The following AP2A2 variants were observed in gnomAD, a reference collection of about 807,000 sequenced individuals.
AP2A2 encodes AP-2 complex subunit alpha-2.
A neutral mutation model predicts 104.2 loss-of-function variants in AP2A2; 32 were observed. The observed-to-expected ratio is 0.31, with a 90% confidence interval of 0.23 to 0.41. The LOEUF is 0.41. Ranked by LOEUF, AP2A2 falls within the 10% of genes least tolerant of loss-of-function variation. AP2A2 has a pLI of 1.00. For synonymous variants in AP2A2, 539 were observed against 533.3 expected (o/e 1.01, Z -0.15); for missense variants, 912 against 1,261.0 (o/e 0.72, Z 4.19).
chr11:992,277 A>G lies in AP2A2; in HGVS notation c.1270-226A>G, dbSNP rs1159674282. Reference sequence around the variant, plus strand: ...TGGCTGTGGCCGTGGCCTTCTGTGCACTGGTCTCCGCCTCTTCCTGGCTTT... The same window carrying G: ...TGGCTGTGGCCGTGGCCTTCTGTGCGCTGGTCTCCGCCTCTTCCTGGCTTT... On this transcript the variant is annotated intron_variant, in intron 10 of 21. Coordinates refer to ENST00000448903, the MANE Select transcript of AP2A2 (RefSeq NM_012305.4). This position sits in a 1 kb window ranked among gnomAD's most constrained non-coding sequence, Gnocchi z 6.4. Among the ~76,000 whole-genome samples, 3 of 152,258 alleles carry G rather than the reference A, an allele frequency of 2.0e-5. 1 individual carries two copies. The highest frequency in any genetic ancestry group is 6.8e-3 in the Middle Eastern group (2 of 294).
chr11:995,998 C>T (rs1239144798), intron 14 of AP2A2: 1 of 152,070 alleles, frequency 6.6e-6, no homozygotes, highest in East Asian at 2.0e-4. Flanking sequence ...CTGCTTTTGA[C>T]CCTGTCTCCT....
chr11:978,581 G>C (rs567953194), intron 5 of AP2A2, among the ~76,000 whole-genome samples: 7 of 152,344 alleles, frequency 4.6e-5, no homozygotes, highest in Non-Finnish European at 1.0e-4. Flanking sequence ...GCCAACCCCA[G>C]GGTGGGCTCC....
intron 16 of AP2A2, 42 bp from the exon 17 acceptor site, chr11:1,006,486 G>A (rs747548066): frequency 1.4e-6 from 2 of 1,384,812 alleles, no homozygotes; most frequent in Non-Finnish European, 2.0e-6. Flanking sequence ...CAGGGTAAGT[G>A]TGAAATGGTG....
chr11:988,446 G>A, intron 9 of AP2A2, 106 bp from the exon 10 acceptor site: 2 of 1,413,376 alleles, frequency 1.4e-6, no homozygotes, highest in East Asian at 4.6e-5. Context: ...GCATGTGAGG[G>A]AAACTCAGAG....
intron 1 of AP2A2, chr11:933,616 TATTTTA>T (rs1564778471): frequency 2.2e-6 from 1 of 456,248 alleles, no homozygotes; most frequent in Admixed American, 2.3e-5. Context: ...GAAGCAGCCC[TATTTTA>T]AATAGCGCCC....
Position 1,010,427 on chromosome 11 carries a change from G to T in AP2A2, c.2743-121G>T, listed in dbSNP as rs1856387523. The T allele has an allele frequency of 1.2e-5, 9 of 733,810 alleles. No individual in the cohort carries two copies. In the East Asian group the frequency reaches 2.4e-4, roughly 20 times the overall value. 45.5% of individuals were successfully genotyped at this position (733,810 alleles called of 1,614,324 possible). A position where few individuals can be genotyped will look rare whatever the true frequency, so the allele number is the denominator to read the frequency against. ...GTGGTGCTCAGGCCTCTGCCGAGTT[G>T]TGGGTGCCTCCAGAGAGTGGTCCCT... On this transcript the variant is annotated intron_variant, in intron 21 of 21. Coordinates refer to ENST00000448903, the MANE Select transcript of AP2A2 (RefSeq NM_012305.4).
At chr11:975,543 T>C (rs1196753066) in intron 4 of AP2A2, among the ~76,000 whole-genome samples, 1 of 150,176 alleles carries the variant, frequency 6.7e-6, no homozygotes, top group African/African-American at 2.5e-5. Context: ...TGAGTAGCAG[T>C]GGGGTCCTCG....
At chr11:926,414 G>C (rs938785179) in intron 1 of AP2A2, among the ~76,000 whole-genome samples, 4 of 151,662 alleles carry the variant, frequency 2.6e-5, no homozygotes, top group African/African-American at 9.7e-5. Flanking sequence ...CTAGGGGTGC[G>C]GGGTCTAGGG....
intron 1 of AP2A2, among the ~76,000 whole-genome samples, chr11:931,802 G>GTTTT (rs138261185): frequency 4.8e-5 from 6 of 125,172 alleles, no homozygotes; most frequent in African/African-American, 1.5e-4. Context: ...TCCATTTCTT[G>GTTTT]TTTTTTTTTT....
intron 4 of AP2A2, 143 bp downstream of exon 4, chr11:972,398 A>G: frequency 3.8e-6 from 4 of 1,056,272 alleles, no homozygotes; most frequent in African/African-American, 1.6e-5. Flanking sequence ...GGTGGGATCC[A>G]GAATTACAAG....
At position 925,953 on chromosome 11, in the gene AP2A2, C is replaced by T. The variant is rs1311172484; in HGVS notation, c.-69C>T. ...CCGCGGCGGTGACGGCGACCGCACT[C>T]CCCGCTTCCCGCTCCCCGCGCTCCT... On this transcript the variant is annotated 5_prime_UTR_variant, in exon 1 of 22. Transcript: ENST00000448903. 10 of 1,255,750 alleles carry T rather than the reference C, an allele frequency of 8.0e-6. No homozygotes were observed. The highest frequency in any genetic ancestry group is 1.8e-5 in the South Asian group (1 of 54,320). 77.8% of individuals were successfully genotyped at this position (1,255,750 alleles called of 1,614,324 possible). A position where few individuals can be genotyped will look rare whatever the true frequency, so the allele number is the denominator to read the frequency against.
Position 977,159 on chromosome 11 carries a change from C to G in AP2A2, c.538C>G (p.Pro180Ala), listed in dbSNP as rs777289425. The G allele has an allele frequency of 6.2e-7, 1 of 1,613,446 alleles. No homozygotes were observed. Among genetic ancestry groups the G allele is most frequent in the Non-Finnish European group, 8.5e-7 (1 of 1,179,562 alleles). Residue 180 changes from proline (P) to alanine (A), a missense_variant, in exon 5 of 22, where the codon CCC becomes GCC. Physicochemically the swap from Pro to Ala is conservative, Grantham distance 27. Coordinates refer to ENST00000448903, the MANE Select transcript of AP2A2 (RefSeq NM_012305.4). ...LCLLRLYRTS[P>A]DLVPMGDWTS... is the part of the protein sequence containing the mutation. ...CTTGCTGCGCCTGTACAGGACGTCC[C>G]CCGATCTTGTCCCCATGGGCGACTG...
chr11:1,010,232 T>C, intron 21 of AP2A2: 1 of 510,724 alleles, frequency 2.0e-6, no homozygotes, highest in Non-Finnish European at 3.5e-6. Flanking sequence ...TCCGTTTCAC[T>C]TGGGTGGCAC....
chr11:948,526 A>T (rs1378360334), intron 1 of AP2A2: 1 of 152,218 alleles, frequency 6.6e-6, no homozygotes, highest in Non-Finnish European at 1.5e-5. Flanking sequence ...CATAAAAGAA[A>T]ACCTAAATAG....
At chr11:979,073 G>A (rs912981531) in intron 5 of AP2A2, among the ~76,000 whole-genome samples, 11 of 152,144 alleles carry the variant, frequency 7.2e-5, no homozygotes, top group African/African-American at 1.4e-4. Flanking sequence ...GAGGAGACAC[G>A]GAGGTCGCTT....
rs376931521 is a variant in AP2A2 at position 977,059 on chromosome 11, G to T, written c.474-36G>T. ...TCCGTGCAGCTCTGCGCTGTCTTCA[G>T]CCTGTTGCGAGTGACTCTTGACGTC... On this transcript the variant is annotated intron_variant, in intron 4 of 21. Transcript: ENST00000448903. The T allele has an allele frequency of 4.3e-6, 7 of 1,612,128 alleles. No homozygotes were observed. In the East Asian group the frequency reaches 1.3e-4, roughly 31 times the overall value.
chr11:984,416 C>T (rs1484420194), intron 6 of AP2A2, among the ~76,000 whole-genome samples: 1 of 152,170 alleles, frequency 6.6e-6, no homozygotes, highest in Non-Finnish European at 1.5e-5. Context: ...GTGTCTTGTA[C>T]CGAGCGAGGG....
intron 1 of AP2A2, among the ~76,000 whole-genome samples, chr11:927,901 A>G (rs1232777203): frequency 6.7e-6 from 1 of 149,570 alleles, no homozygotes; most frequent in Non-Finnish European, 1.5e-5. Flanking sequence ...TTTGTTTGTT[A>G]CATAATGAGA....
intron 1 of AP2A2, chr11:940,920 G>A (rs919524449): frequency 1.1e-5 from 5 of 456,096 alleles, no homozygotes; most frequent in African/African-American, 8.0e-5. Context: ...TTGTGAGCCC[G>A]GCTGCCATCA....
Sources: allele counts gnomAD v4.1 joint callset (sites outside exome capture counted in the v4.1 genomes callset), GRCh38; gene constraint gnomAD v4.1.1; non-coding constraint Gnocchi (gnomAD v3.1); transcripts MANE v1.5; gene names NCBI Gene and HGNC (gene_info 2026-07-23, HGNC 2026-07-21).